Variants in CCDC91 observed in about 807,000 individuals in gnomAD.
The protein encoded by CCDC91 is coiled-coil domain containing 91.
A neutral mutation model predicts 63.2 loss-of-function variants in CCDC91; 48 were observed. That is an observed-to-expected ratio of 0.76 (90% CI 0.60 to 0.97). The LOEUF is 0.97. Ranked by LOEUF, CCDC91 falls within the 50% of genes least tolerant of loss-of-function variation. The pLI is 0.00. For missense variants in CCDC91, 500 were observed against 494.6 expected (o/e 1.01, Z -0.10); for synonymous variants, 167 against 165.8 (o/e 1.01, Z -0.06).
chr12:28,265,807 T>G (rs1947146269), intron 3 of CCDC91, among the ~76,000 whole-genome samples: 1 of 152,092 alleles, frequency 6.6e-6, no homozygotes, highest in Non-Finnish European at 1.5e-5. Context: ...GAGGTAAAAT[T>G]TGAAGGTGAC....
At chr12:28,282,947 A>G (rs1313560568) in intron 3 of CCDC91, among the ~76,000 whole-genome samples, 2 of 151,900 alleles carry the variant, frequency 1.3e-5, no homozygotes, top group African/African-American at 2.4e-5. Context: ...TCCCAGTACT[A>G]TTTATTTAAT....
intron 1 of CCDC91, among the ~76,000 whole-genome samples, chr12:28,194,372 G>C (rs1941554813): frequency 6.6e-6 from 1 of 152,118 alleles, no homozygotes; most frequent in Admixed American, 6.5e-5. Flanking sequence ...TGGTCTTGCT[G>C]ACCTCAAGAA....
At chr12:28,454,490 C>T (rs59879751) in intron 11 of CCDC91, among the ~76,000 whole-genome samples, 31,095 of 152,004 alleles carry the variant, frequency 0.2, 4,153 homozygotes, top group Non-Finnish European at 0.3. Flanking sequence ...ACTTTGGACA[C>T]GTAGTCCAGC....
intron 3 of CCDC91, among the ~76,000 whole-genome samples, chr12:28,260,985 TA>T (rs1284352490): frequency 6.6e-6 from 1 of 152,028 alleles, no homozygotes; most frequent in Non-Finnish European, 1.5e-5. Flanking sequence ...TTGATACACA[TA>T]ACTGTGTTTA....
intron 11 of CCDC91, among the ~76,000 whole-genome samples, chr12:28,473,169 G>C (rs1950907196): frequency 6.6e-6 from 1 of 152,124 alleles, no homozygotes; most frequent in Non-Finnish European, 1.5e-5. Context: ...AATTATGATT[G>C]AGTGGTTCTT....
chr12:28,549,391 G>T lies in CCDC91; in HGVS notation c.*218G>T, dbSNP rs538603007. The T allele has an allele frequency of 6.8e-4, 244 of 359,798 alleles. 1 individual carries two copies. The highest frequency in any genetic ancestry group is 1.2e-3 in the Non-Finnish European group (224 of 194,644). The allele number at this position is 359,798 out of a possible 1,614,324, so 22.3% of individuals were successfully genotyped here. A position where few individuals can be genotyped will look rare whatever the true frequency, so the allele number is the denominator to read the frequency against. On this transcript the variant is annotated 3_prime_UTR_variant, in exon 13 of 13. Transcript: ENST00000536442. ...ATTTACTGTTATTTTATTATTATTA[G>T]TAGTAGCAGCAACAGAGTATGATAT...
intron 3 of CCDC91, among the ~76,000 whole-genome samples, chr12:28,266,797 A>G (rs910738072): frequency 6.6e-6 from 1 of 151,954 alleles, no homozygotes; most frequent in African/African-American, 2.4e-5. Flanking sequence ...CTGCTAAAAA[A>G]TGAAGGTTTG....
At chr12:28,344,338 C>T (rs1942654550) in intron 6 of CCDC91, among the ~76,000 whole-genome samples, 1 of 152,014 alleles carries the variant, frequency 6.6e-6, no homozygotes, top group South Asian at 2.1e-4. Flanking sequence ...TACTTTTCAT[C>T]ATCATTAAAC....
chr12:28,396,642 TTTTGTGTGTGTG>T (rs1469615646), intron 8 of CCDC91, among the ~76,000 whole-genome samples: 1,512 of 148,532 alleles, frequency 0.01, 17 homozygotes, highest in East Asian at 0.035. Context: ...ATAAAGGAGA[TTTTGTGTGTGTG>T]TGTGTGTGTG....
At chr12:28,390,340 A>G (rs1945855803) in intron 7 of CCDC91, among the ~76,000 whole-genome samples, 2 of 151,966 alleles carry the variant, frequency 1.3e-5, no homozygotes. Context: ...TCTGTTTTCT[A>G]TAAGACATGT....
intron 11 of CCDC91, among the ~76,000 whole-genome samples, chr12:28,462,416 A>C (rs1015784420): frequency 6.6e-6 from 1 of 152,088 alleles, no homozygotes; most frequent in African/African-American, 2.4e-5. Context: ...TAATTAATAT[A>C]TGGAACAACT....
At chr12:28,464,937 C>T (rs1950480154) in intron 11 of CCDC91, among the ~76,000 whole-genome samples, 3 of 152,098 alleles carry the variant, frequency 2.0e-5, no homozygotes, top group Admixed American at 2.0e-4. Context: ...CTGGAACAGC[C>T]CTGGGCCAGA....
rs548802971 is a variant in CCDC91, at chr12:28,448,353, C to T, written c.763-1808C>T. Among the ~76,000 whole-genome samples, 5 of 152,066 alleles carry T rather than the reference C, an allele frequency of 3.3e-5. No individual in the cohort carries two copies. In the South Asian group the frequency reaches 6.3e-4, roughly 19 times the overall value. On this transcript the variant is annotated intron_variant, in intron 8 of 12. Coordinates refer to ENST00000536442, the MANE Select transcript of CCDC91 (RefSeq NM_018318.5). ...TATAAGTATGAGAAAAGCCAGTAAC[C>T]CAGTTGTATTTTCTCAAGTGAATCT...
At chr12:28,417,640 T>TATATATAC (rs57507827) in intron 8 of CCDC91, among the ~76,000 whole-genome samples, 3,244 of 112,010 alleles carry the variant, frequency 0.029, 69 homozygotes, top group South Asian at 0.1. Context: ...TATATATATA[T>TATATATAC]ACACACACAC....
At chr12:28,316,728 G>C (rs1013554549) in intron 6 of CCDC91, among the ~76,000 whole-genome samples, 3 of 149,682 alleles carry the variant, frequency 2.0e-5, no homozygotes, top group African/African-American at 7.3e-5. Context: ...ATTTAAGATA[G>C]TTTTTTTCTC....
intron 12 of CCDC91, among the ~76,000 whole-genome samples, chr12:28,523,978 G>GT (rs1941010556): frequency 6.6e-6 from 1 of 152,040 alleles, no homozygotes; most frequent in Non-Finnish European, 1.5e-5. Context: ...CTCAAGAAGA[G>GT]TAACTCTAAG....
intron 11 of CCDC91, among the ~76,000 whole-genome samples, chr12:28,482,302 T>C (rs1951491486): frequency 6.6e-6 from 1 of 152,052 alleles, no homozygotes; most frequent in Admixed American, 6.6e-5. Flanking sequence ...TTTTCTTTTA[T>C]AAATTGCTGT....
At chr12:28,506,705 G>A (rs1938763206) in intron 12 of CCDC91, among the ~76,000 whole-genome samples, 3 of 151,854 alleles carry the variant, frequency 2.0e-5, no homozygotes, top group Admixed American at 6.6e-5. Context: ...GAAAACTAAA[G>A]CTTTGAGAAA....
intron 8 of CCDC91, among the ~76,000 whole-genome samples, chr12:28,446,293 A>G (rs775779271): frequency 3.9e-5 from 6 of 152,192 alleles, no homozygotes; most frequent in Non-Finnish European, 7.4e-5. Context: ...TTTTGTGGCT[A>G]TTGTGAAGCT....
Sources: allele counts gnomAD v4.1 joint callset (sites outside exome capture counted in the v4.1 genomes callset), GRCh38; gene constraint gnomAD v4.1.1; transcripts MANE v1.5; gene names NCBI Gene and HGNC (gene_info 2026-07-23, HGNC 2026-07-21).